TULP3: variants seen among roughly 807,000 people sequenced by gnomAD.
The protein encoded by TULP3 is TUB like protein 3.
A neutral mutation model predicts 50.7 loss-of-function variants in TULP3; 38 were observed. The observed-to-expected ratio is 0.75, with a 90% CI of 0.58 to 0.98. TULP3 has a LOEUF of 0.98. Among genes scored for constraint, TULP3 ranks in the 50% least tolerant of loss-of-function variants. TULP3 has a pLI of 0.00. For synonymous variants in TULP3, 183 were observed against 196.6 expected (o/e 0.93, Z 0.58); for missense variants, 550 against 568.0 (o/e 0.97, Z 0.32).
intron 3 of TULP3, among the ~76,000 whole-genome samples, chr12:2,922,052 C>T (rs1237788904): frequency 6.6e-6 from 1 of 152,134 alleles, no homozygotes; most frequent in African/African-American, 2.4e-5. Flanking sequence ...CACTGCTCTC[C>T]AGCCTGGGTG....
intron 2 of TULP3, among the ~76,000 whole-genome samples, chr12:2,912,275 T>G (rs1051099700): frequency 6.6e-6 from 1 of 152,194 alleles, no homozygotes; most frequent in Admixed American, 6.5e-5. Context: ...AATAGAATGT[T>G]AGAAAGAATC....
In TULP3 at chr12:2,896,623, C is replaced by G. The variant is rs183904490; in HGVS notation, c.41+5635C>G. Among the ~76,000 whole-genome samples, 13 of 152,162 alleles carry G rather than the reference C, an allele frequency of 8.5e-5. No homozygotes were observed. The East Asian group carries it at 2.5e-3, about 29-fold the overall frequency. Reference sequence around the variant, plus strand: ...TGTAGAAAATAAGGCTGTAACAAAGCAAGAAATATTTTTCAAATATGCTCC... The same window carrying G: ...TGTAGAAAATAAGGCTGTAACAAAGGAAGAAATATTTTTCAAATATGCTCC... On this transcript the variant is annotated intron_variant, in intron 1 of 10. Transcript: ENST00000448120.
chr12:2,908,366 C>T (rs1039163527), intron 1 of TULP3, among the ~76,000 whole-genome samples: 1 of 152,092 alleles, frequency 6.6e-6, no homozygotes, highest in Non-Finnish European at 1.5e-5. Context: ...AATGCCGAGT[C>T]ACAAAATAAA....
At chr12:2,929,797 G>T (rs2098196861) in intron 4 of TULP3, among the ~76,000 whole-genome samples, 1 of 151,986 alleles carries the variant, frequency 6.6e-6, no homozygotes, top group Non-Finnish European at 1.5e-5. Flanking sequence ...CACCATGTTA[G>T]CCAGGATGGT....
chr12:2,910,166 A>C (rs555094430), intron 2 of TULP3, among the ~76,000 whole-genome samples: 2 of 152,136 alleles, frequency 1.3e-5, no homozygotes, highest in South Asian at 4.1e-4. Context: ...GGTGGCGGGC[A>C]CCTCTAGTCC....
intron 1 of TULP3, among the ~76,000 whole-genome samples, chr12:2,899,909 AAAAAAAAAAC>A (rs2098178046): frequency 6.8e-6 from 1 of 146,572 alleles, no homozygotes; most frequent in Non-Finnish European, 1.5e-5. Context: ...AAAACAAACA[AAAAAAAAAAC>A]AAAAAAAACT....
chr12:2,900,601 A>AAT (rs2098178565), intron 1 of TULP3, among the ~76,000 whole-genome samples: 1 of 108,250 alleles, frequency 9.2e-6, no homozygotes, highest in Non-Finnish European at 1.8e-5. Context: ...TTTGAATAAT[A>AAT]CTTTTTTTTT....
At chr12:2,892,163 A>T (rs756788141) in intron 1 of TULP3, among the ~76,000 whole-genome samples, 2 of 152,316 alleles carry the variant, frequency 1.3e-5, no homozygotes, top group Admixed American at 6.5e-5. Flanking sequence ...AACCATTTTT[A>T]AAAATTGTCA....
At chr12:2,927,041 C>T (rs547865257) in intron 4 of TULP3, among the ~76,000 whole-genome samples, 5 of 152,212 alleles carry the variant, frequency 3.3e-5, no homozygotes, top group East Asian at 3.9e-4. Context: ...TCCCTCCAAT[C>T]CCCTCAGCCC....
intron 7 of TULP3, 108 bp downstream of exon 7, chr12:2,933,638 C>T: frequency 1.2e-5 from 6 of 482,800 alleles, no homozygotes; most frequent in South Asian, 4.8e-5. Context: ...ATGTTGTAAT[C>T]TTAAAAAAAA....
Position 2,940,755 on chromosome 12 carries a change from C to T in TULP3, c.*1311C>T. On this transcript the variant is annotated 3_prime_UTR_variant, in exon 11 of 11. Coordinates refer to ENST00000448120, the MANE Select transcript of TULP3 (RefSeq NM_003324.5). ...AGGGCCAACTGGCAGCTGCGGGACC[C>T]TTGGCTTGTCCCCCACCGACAAGTC... 1 of 1,528,736 alleles carries T rather than the reference C, an allele frequency of 6.5e-7. No homozygotes were observed. Among genetic ancestry groups the T allele is most frequent in the South Asian group, 1.2e-5 (1 of 80,636 alleles). 94.7% of individuals were successfully genotyped at this position (1,528,736 alleles called of 1,614,324 possible). A position where few individuals can be genotyped will look rare whatever the true frequency, so the allele number is the denominator to read the frequency against.
intron 5 of TULP3, 107 bp downstream of exon 5, chr12:2,930,452 C>T: frequency 1.4e-6 from 1 of 723,984 alleles, no homozygotes; most frequent in Non-Finnish European, 2.1e-6. Flanking sequence ...GAGGTGGAGT[C>T]TCGCTCTGTC....
At chr12:2,919,293 A>T (rs1189821502) in intron 2 of TULP3, among the ~76,000 whole-genome samples, 1 of 152,200 alleles carries the variant, frequency 6.6e-6, no homozygotes, top group African/African-American at 2.4e-5. Flanking sequence ...ATGGTAATTC[A>T]TGAAATCTCA....
At chr12:2,903,886 C>A (rs780958635) in intron 1 of TULP3, among the ~76,000 whole-genome samples, 1 of 152,036 alleles carries the variant, frequency 6.6e-6, no homozygotes, top group Non-Finnish European at 1.5e-5. Flanking sequence ...CGGGTTCAAG[C>A]GATTCTGTAG....
At chr12:2,919,188 G>A (rs978676432) in intron 2 of TULP3, among the ~76,000 whole-genome samples, 4 of 152,150 alleles carry the variant, frequency 2.6e-5, no homozygotes, top group South Asian at 2.1e-4. Context: ...CACTGCGCCC[G>A]GCTGCTAGAA....
chr12:2,936,475 G>T (rs1256291456), intron 8 of TULP3, among the ~76,000 whole-genome samples: 1 of 152,054 alleles, frequency 6.6e-6, no homozygotes, highest in East Asian at 1.9e-4. Flanking sequence ...AAGAGGCCGG[G>T]CGTGGTGGCT....
At chr12:2,903,082 G>T (rs1033191171) in intron 1 of TULP3, among the ~76,000 whole-genome samples, 1 of 151,274 alleles carries the variant, frequency 6.6e-6, no homozygotes, top group Non-Finnish European at 1.5e-5. Context: ...GGCTGGTCTC[G>T]AACTCCTGAC....
rs575712807 is a variant in TULP3, at chr12:2,911,565, C to T, written c.93+1985C>T. On this transcript the variant is annotated intron_variant, in intron 2 of 10. Coordinates refer to ENST00000448120, the MANE Select transcript of TULP3 (RefSeq NM_003324.5). ...AATTTTTACTAGAGATGGGGTTTCA[C>T]TGTGTTAGCCAGGATGGTCTCGAAC... is the stretch of plus-strand genomic sequence containing the variant. 1.1e-4 allele frequency among the ~76,000 whole-genome samples: 17 copies of T among 149,004 alleles called. No individual in the cohort carries two copies. The South Asian group carries it at 3.6e-3, about 32-fold the overall frequency.
At chr12:2,918,940 T>A (rs1284368241) in intron 2 of TULP3, among the ~76,000 whole-genome samples, 1 of 151,978 alleles carries the variant, frequency 6.6e-6, no homozygotes, top group East Asian at 1.9e-4. Context: ...TCACCCAGGC[T>A]GGAGTGTAGT....
Sources: allele counts gnomAD v4.1 joint callset (sites outside exome capture counted in the v4.1 genomes callset), GRCh38; gene constraint gnomAD v4.1.1; transcripts MANE v1.5; gene names NCBI Gene and HGNC (gene_info 2026-07-23, HGNC 2026-07-21).